MOV10L1: variants seen among roughly 807,000 people sequenced by gnomAD.
MOV10L1 encodes RNA helicase Mov10l1.
MOV10L1 carries 110 observed loss-of-function variants against 143.8 expected under a neutral mutation model. The ratio of observed to expected loss-of-function variants is 0.76; its 90% confidence interval spans 0.66 to 0.90. The LOEUF (loss-of-function observed/expected upper bound fraction) is 0.90. MOV10L1 is among the 40% of genes least tolerant of loss of function. The pLI, the probability that MOV10L1 is intolerant of heterozygous loss-of-function variation, is 0.00. For synonymous variants in MOV10L1, 593 were observed against 581.1 expected (o/e 1.02, Z -0.29); for missense variants, 1,406 against 1,526.8 (o/e 0.92, Z 1.32).
chr22:50,114,319 A>G, intron 6 of MOV10L1, 62 bp from the exon 7 acceptor site: 1 of 1,570,222 alleles, frequency 6.4e-7, no homozygotes, highest in Admixed American at 1.8e-5. Context: ...GTGTTTTATG[A>G]TAACTGAATA....
chr22:50,133,754 G>A (rs1408048608), intron 13 of MOV10L1, among the ~76,000 whole-genome samples: 1 of 152,076 alleles, frequency 6.6e-6, no homozygotes, highest in Non-Finnish European at 1.5e-5. Context: ...ATGTTGGCCA[G>A]GCTGGTCTCG....
Position 50,158,120 on chromosome 22 carries a change from C to T in MOV10L1, c.3130C>T (p.Leu1044=). 1.9e-6 allele frequency: 3 copies of T among 1,614,204 alleles called. No individual in the cohort carries two copies. The highest frequency in any genetic ancestry group is 2.5e-6 in the Non-Finnish European group (3 of 1,180,036). The change falls in exon 23 of 27, where the codon CTG becomes TTG. Residue 1044 remains leucine, a synonymous_variant. Coordinates refer to ENST00000262794, the MANE Select transcript of MOV10L1 (RefSeq NM_018995.3). The surrounding 1 kb of genome is among the most constrained non-coding windows in gnomAD (Gnocchi z 5.0). ...WFNPAEAVQV[L]RYCCLLAHSI... ...CAACCCGGCCGAGGCCGTCCAGGTC[C>T]TGCGCTACTGCTGCCTCCTGGCCCA...
intron 15 of MOV10L1, among the ~76,000 whole-genome samples, chr22:50,139,235 T>A (rs1023192271): frequency 3.9e-5 from 6 of 152,128 alleles, no homozygotes; most frequent in African/African-American, 1.4e-4. Flanking sequence ...AAAACTAACT[T>A]ACTCTGCGGT....
At position 50,157,619 on chromosome 22, in the gene MOV10L1, G is replaced by A. The variant is rs754751858; in HGVS notation, c.3067-438G>A. 5.3e-5 allele frequency among the ~76,000 whole-genome samples: 8 copies of A among 152,148 alleles called. No individual in the cohort carries two copies. The East Asian group carries it at 5.8e-4, about 11-fold the overall frequency. On this transcript the variant is annotated intron_variant, in intron 22 of 26. Transcript: ENST00000262794. ...CACCCTTGTCAGAAGTCATCTGGCC[G>A]TATATTCGAGGGTTTATTTCTAAGT...
At chr22:50,117,477 T>G (rs1170532860) in intron 9 of MOV10L1, 126 bp downstream of exon 9, 4 of 936,126 alleles carry the variant, frequency 4.3e-6, no homozygotes, top group Middle Eastern at 3.4e-4. Flanking sequence ...GAAGCTGGGG[T>G]TCAAGCCTCT....
At chr22:50,142,419 G>A (rs1331440080) in intron 16 of MOV10L1, among the ~76,000 whole-genome samples, 1 of 152,144 alleles carries the variant, frequency 6.6e-6, no homozygotes, top group Non-Finnish European at 1.5e-5. Flanking sequence ...TGCAGATGTG[G>A]ACATTTTTTA....
intron 13 of MOV10L1, 68 bp downstream of exon 13, chr22:50,128,575 C>CAAAA: frequency 1.3e-6 from 1 of 745,452 alleles, no homozygotes; most frequent in Non-Finnish European, 2.1e-6. Context: ...GACTGGGTCT[C>CAAAA]ATTCTGTTGC....
chr22:50,143,255 T>C, intron 17 of MOV10L1, 34 bp downstream of exon 17: 1 of 1,602,802 alleles, frequency 6.2e-7, no homozygotes, highest in Non-Finnish European at 8.5e-7. Context: ...GCTGTGGCTC[T>C]GTGCTGCTGT....
chr22:50,160,228 C>G (rs1271325841), intron 24 of MOV10L1, among the ~76,000 whole-genome samples: 1 of 151,508 alleles, frequency 6.6e-6, no homozygotes. Flanking sequence ...CCCCCTCCCC[C>G]CACCTCCTGT....
intron 19 of MOV10L1, among the ~76,000 whole-genome samples, chr22:50,146,288 G>A (rs936567758): frequency 3.4e-4 from 52 of 152,184 alleles, no homozygotes; most frequent in African/African-American, 1.1e-3. Flanking sequence ...GGCTCTGTAA[G>A]GTCAGACCCT....
chr22:50,093,063 G>C (rs1473612732), intron 2 of MOV10L1: 1 of 152,164 alleles, frequency 6.6e-6, no homozygotes, highest in African/African-American at 2.4e-5. Context: ...ACCACACCCA[G>C]TTAATTTTTT....
In MOV10L1 at chr22:50,117,219, A is replaced by T. The variant is rs1449322003; in HGVS notation, c.1322A>T (p.Tyr441Phe). 3 of 1,613,822 alleles carry T rather than the reference A, an allele frequency of 1.9e-6. No individual in the cohort carries two copies. Among genetic ancestry groups the T allele is most frequent in the Non-Finnish European group, 2.5e-6 (3 of 1,179,948 alleles). The change falls in exon 9 of 27, where the codon TAC becomes TTC. Residue 441 changes from tyrosine (Y) to phenylalanine (F), a missense_variant. Physicochemically the swap from Tyr to Phe is conservative, Grantham distance 22. Around this residue, in one of 3 missense-constraint regions of MOV10L1, gnomAD observed 1,233 missense variants for 1,351.4 expected, o/e 0.91. Coordinates refer to ENST00000262794, the MANE Select transcript of MOV10L1 (RefSeq NM_018995.3). The part of the protein sequence containing the change: ...LCFSDFLIGR[Y>F]LEVNVISGEE... ...TTTTCCGATTTCCTAATTGGGCGAT[A>T]CCTTGAAGTAAATGTTATCAGTGGG...
chr22:50,130,318 T>C (rs2147256940), intron 13 of MOV10L1, among the ~76,000 whole-genome samples: 1 of 152,228 alleles, frequency 6.6e-6, no homozygotes, highest in Non-Finnish European at 1.5e-5. Context: ...TGTCTTTTTA[T>C]TAACAGAAGG....
Position 50,149,005 on chromosome 22 carries a change from C to T in MOV10L1, c.2628-610C>T, listed in dbSNP as rs116170997. Among the ~76,000 whole-genome samples, 317 of 152,330 alleles carry T rather than the reference C, an allele frequency of 2.1e-3. 2 individuals are homozygous for T. The highest frequency in any genetic ancestry group is 7.5e-3 in the African/African-American group (312 of 41,568). On this transcript the variant is annotated intron_variant, in intron 19 of 26. Transcript: ENST00000262794. The stretch of plus-strand genomic sequence containing the variant: ...TGGTGCCGCAGATTGGGAAGTGGCT[C>T]CCAGGGCCTCAGCCTATTGGCATGC...
At chr22:50,150,246 C>T (rs1569043356) in intron 20 of MOV10L1, among the ~76,000 whole-genome samples, 1 of 152,176 alleles carries the variant, frequency 6.6e-6, no homozygotes, top group South Asian at 2.1e-4. Flanking sequence ...TGGCACCCAT[C>T]CTAGATGTCT....
At chr22:50,102,713 C>G (rs2061775932) in intron 3 of MOV10L1, among the ~76,000 whole-genome samples, 1 of 152,026 alleles carries the variant, frequency 6.6e-6, no homozygotes, top group Non-Finnish European at 1.5e-5. Flanking sequence ...ACCAGCCTGA[C>G]CAACATGGAG....
At chr22:50,138,052 TGGAAAAA>T (rs2062882196) in intron 15 of MOV10L1, among the ~76,000 whole-genome samples, 1 of 152,020 alleles carries the variant, frequency 6.6e-6, no homozygotes, top group Admixed American at 6.6e-5. Context: ...GCAGTAGACT[TGGAAAAA>T]GCATCTGACA....
chr22:50,108,254 G>A lies in MOV10L1; in HGVS notation c.555+6G>A, dbSNP rs752218745. 7 of 1,605,804 alleles carry A rather than the reference G, an allele frequency of 4.4e-6. No homozygotes were observed. The highest frequency in any genetic ancestry group is 1.1e-5 in the South Asian group (1 of 89,576). ...GATACAAGCGCGTGGACAAGGTAGC[G>A]TGCCGACTAGTGGCTCCTCTCTGTG... On this transcript the variant is annotated splice_donor_region_variant and intron_variant, in intron 4 of 26. Transcript: ENST00000262794.
intron 5 of MOV10L1, among the ~76,000 whole-genome samples, chr22:50,111,521 T>C (rs1178619848): frequency 7.1e-6 from 1 of 140,008 alleles, no homozygotes; most frequent in Non-Finnish European, 1.5e-5. Context: ...TTTGAGACGT[T>C]GAGATGGAGT....
Sources: allele counts gnomAD v4.1 joint callset (sites outside exome capture counted in the v4.1 genomes callset), GRCh38; gene constraint gnomAD v4.1.1; regional missense constraint gnomAD v4.1.1; non-coding constraint Gnocchi (gnomAD v3.1); transcripts MANE v1.5; gene names NCBI Gene and HGNC (gene_info 2026-07-23, HGNC 2026-07-21).